DBH: variants seen among roughly 807,000 people sequenced by gnomAD.
DBH encodes the protein dopamine beta-hydroxylase (dopamine beta-monooxygenase).
A neutral mutation model predicts 64.0 loss-of-function variants in DBH; 49 were observed. The observed-to-expected ratio is 0.77, with a 90% CI of 0.61 to 0.97. The LOEUF (loss-of-function observed/expected upper bound fraction) is 0.97. DBH is among the 50% of genes least tolerant of loss of function. DBH has a pLI of 0.00. For missense variants in DBH, 828 were observed against 826.6 expected, an observed-to-expected ratio of 1.00 and a Z score of -0.02; for synonymous variants, 343 against 347.1, an observed-to-expected ratio of 0.99 and a Z score of 0.13.
In DBH at chr9:133,643,022, G is replaced by A. The variant is rs1315783180; in HGVS notation, c.745-391G>A. On this transcript the variant is annotated intron_variant, in intron 3 of 11. Coordinates refer to ENST00000393056, the MANE Select transcript of DBH (RefSeq NM_000787.4). This position sits in a 1 kb window ranked among gnomAD's most constrained non-coding sequence, Gnocchi z 5.3. ...TGTCCTTGAAGGTGCACTCAGAGAG[G>A]TTATGTGAGTGTCCAGAGTCACACA... Among the ~76,000 whole-genome samples the A allele has an allele frequency of 2.0e-5, 3 of 152,168 alleles. No homozygotes were observed. The highest frequency in any genetic ancestry group is 7.2e-5 in the African/African-American group (3 of 41,424).
At chr9:133,657,906 A>AG (rs909275952) in intron 11 of DBH, among the ~76,000 whole-genome samples, 1 of 152,228 alleles carries the variant, frequency 6.6e-6, no homozygotes, top group African/African-American at 2.4e-5. Flanking sequence ...AAGGGAAGGA[A>AG]GGGCTAATAC....
rs1030543191 is a variant in DBH at position 133,658,175 on chromosome 9, T to C, written c.1723-141T>C. 11 of 1,162,288 alleles carry C rather than the reference T, an allele frequency of 9.5e-6. No individual in the cohort carries two copies. In the African/African-American group the frequency reaches 1.4e-4, roughly 15 times the overall value. 72.0% of individuals were successfully genotyped at this position (1,162,288 alleles called of 1,614,324 possible). A position where few individuals can be genotyped will look rare whatever the true frequency, so the allele number is the denominator to read the frequency against. On this transcript the variant is annotated intron_variant, in intron 11 of 11. Coordinates refer to ENST00000393056, the MANE Select transcript of DBH (RefSeq NM_000787.4). ...GAGGTGAGGACCCCCAAAAAGCAACTTGGGGGAGCAGAGTGAGTTCAGTTT... is the reference window on the plus strand; with the variant it reads ...GAGGTGAGGACCCCCAAAAAGCAACCTGGGGGAGCAGAGTGAGTTCAGTTT...
intron 5 of DBH, among the ~76,000 whole-genome samples, chr9:133,646,910 A>G (rs1832188547): frequency 1.3e-5 from 2 of 152,216 alleles, no homozygotes; most frequent in African/African-American, 4.8e-5. Flanking sequence ...GCAAACGGCA[A>G]GGAGAACTAA....
At position 133,658,503 on chromosome 9, in the gene DBH, CTG is replaced by C. The variant is rs1315149061; in HGVS notation, c.*59_*60del. The C allele has an allele frequency of 6.5e-7, 1 of 1,531,808 alleles. No homozygotes were observed. Among genetic ancestry groups the C allele is most frequent in the Non-Finnish European group, 8.8e-7 (1 of 1,135,616 alleles). The allele number at this position is 1,531,808 out of a possible 1,614,324, so 94.9% of individuals were successfully genotyped here. A position where few individuals can be genotyped will look rare whatever the true frequency, so the allele number is the denominator to read the frequency against. On this transcript the variant is annotated 3_prime_UTR_variant, in exon 12 of 12. Coordinates refer to ENST00000393056, the MANE Select transcript of DBH (RefSeq NM_000787.4). ...CTGTCCCTGTGGGCTCACACCGGCACTGTGCACTCTACTCTGCGACGATCCCC... is the reference window on the plus strand; with the variant it reads ...CTGTCCCTGTGGGCTCACACCGGCACTGCACTCTACTCTGCGACGATCCCC...
In DBH at chr9:133,657,079, C is replaced by T. The variant is rs200509113; in HGVS notation, c.1572C>T (p.Asn524=). Residue 524 remains asparagine, a synonymous_variant, in exon 11 of 12, where the codon AAC becomes AAT. Coordinates refer to ENST00000393056, the MANE Select transcript of DBH (RefSeq NM_000787.4). ...KYFHLINRFN[N]EDVCTCPQAS... ...TCCTTGTCCCCACCAGGTTCAACAA[C>T]GAGGATGTCTGCACCTGCCCTCAGG... The T allele has an allele frequency of 3.2e-4, 523 of 1,613,914 alleles. 7 individuals carry two copies. The South Asian group carries it at 5.0e-3, about 16-fold the overall frequency.
chr9:133,649,415 A>C (rs1832219218), intron 6 of DBH, among the ~76,000 whole-genome samples: 1 of 152,358 alleles, frequency 6.6e-6, no homozygotes, highest in African/African-American at 2.4e-5. Context: ...AGTCACGCAG[A>C]GTGAAGATTC....
intron 8 of DBH, among the ~76,000 whole-genome samples, 166 bp downstream of exon 8, chr9:133,652,450 T>C (rs556605248): frequency 3.5e-4 from 53 of 152,104 alleles, no homozygotes; most frequent in African/African-American, 1.1e-3. Context: ...CTGGGCTACC[T>C]CATGGGGAGA....
rs1382167487 is a variant in DBH, at chr9:133,657,414, AG to A, written c.1722+187del. The A allele has an allele frequency of 2.9e-3, 101 of 35,420 alleles. 2 individuals carry two copies. The highest frequency in any genetic ancestry group is 5.5e-3 in the Non-Finnish European group (88 of 15,928). The allele number at this position is 35,420 out of a possible 1,614,324, so 2.2% of individuals were successfully genotyped here. A position where few individuals can be genotyped will look rare whatever the true frequency, so the allele number is the denominator to read the frequency against. ...GCCAGCCAGCAGAGAGAGAGGAGAG[AG>A]GAGAGAGAGGAGAGAGAGGAGAGAG... On this transcript the variant is annotated intron_variant, in intron 11 of 11. Coordinates refer to ENST00000393056, the MANE Select transcript of DBH (RefSeq NM_000787.4).
chr9:133,650,848 A>G (rs1039562143), intron 6 of DBH, among the ~76,000 whole-genome samples: 8 of 152,192 alleles, frequency 5.3e-5, no homozygotes, highest in African/African-American at 1.7e-4. Context: ...ATGCCCAGCC[A>G]TGGAAATGCA....
At chr9:133,644,961 ACACACATG>A (rs1048083418) in intron 5 of DBH, among the ~76,000 whole-genome samples, 8 of 40,014 alleles carry the variant, frequency 2.0e-4, no homozygotes, top group African/African-American at 5.2e-4. Flanking sequence ...ACACACGCAC[ACACACATG>A]CACACATGTA....
chr9:133,658,837 G>T lies in DBH; in HGVS notation c.*390G>T. On this transcript the variant is annotated 3_prime_UTR_variant, in exon 12 of 12. Coordinates refer to ENST00000393056, the MANE Select transcript of DBH (RefSeq NM_000787.4). The stretch of plus-strand genomic sequence containing the variant: ...GCCGGGGTGTGGAATCACCGGGAAC[G>T]CCCCCGCCCCCGCCCCGCTGCTCCC... 6.3e-6 allele frequency: 1 copy of T among 158,644 alleles called. No homozygotes were observed. Among genetic ancestry groups the T allele is most frequent in the Admixed American group, 6.5e-5 (1 of 15,450 alleles). 9.8% of individuals were successfully genotyped at this position (158,644 alleles called of 1,614,324 possible).
intron 2 of DBH, 41 bp downstream of exon 2, chr9:133,640,033 G>T (rs3025391): frequency 0.019 from 30,813 of 1,608,778 alleles, 390 homozygotes; most frequent in African/African-American, 0.05. Flanking sequence ...CGTGGGCTGC[G>T]TGTATCATGC....
At chr9:133,642,497 C>T in intron 3 of DBH, 33 bp downstream of exon 3, 1 of 1,578,288 alleles carries the variant, frequency 6.3e-7, no homozygotes, top group Non-Finnish European at 8.6e-7. Context: ...GGTCCTCGCC[C>T]AGCCCTGCCT....
chr9:133,651,486 A>G, intron 6 of DBH, 148 bp from the exon 7 acceptor site: 1 of 1,013,324 alleles, frequency 9.9e-7, no homozygotes, highest in Non-Finnish European at 1.5e-6. Flanking sequence ...TGGTGGCTCT[A>G]ACCTGGCCGG....
At chr9:133,642,635 C>T (rs1832131162) in intron 3 of DBH, among the ~76,000 whole-genome samples, 171 bp downstream of exon 3, 1 of 152,148 alleles carries the variant, frequency 6.6e-6, no homozygotes, top group East Asian at 1.9e-4. Context: ...GTCTTGGCTT[C>T]CCCATCACTC....
In DBH at chr9:133,643,348, G is replaced by GA. The variant is rs2131285562; in HGVS notation, c.745-64dup. On this transcript the variant is annotated intron_variant, in intron 3 of 11. Transcript: ENST00000393056. The surrounding 1 kb of genome is among the most constrained non-coding windows in gnomAD (Gnocchi z 5.3). The stretch of plus-strand genomic sequence containing the variant: ...GATGGGCATTCGGAAGCCCATGGAG[G>GA]AGGGCTGCTGGGGAGGGGAGGGTGG... 1 of 1,549,604 alleles carries GA rather than the reference G, an allele frequency of 6.5e-7. No individual in the cohort carries two copies. Among genetic ancestry groups the GA allele is most frequent in the East Asian group, 2.3e-5 (1 of 44,404 alleles).
intron 11 of DBH, 200 bp downstream of exon 11, chr9:133,657,429 G>GA: frequency 8.3e-6 from 4 of 479,892 alleles, no homozygotes; most frequent in East Asian, 4.0e-5. Context: ...AGAGAGGAGA[G>GA]AGAGGAGAGA....
chr9:133,640,530 A>G (rs932479180), intron 2 of DBH, among the ~76,000 whole-genome samples: 2 of 152,268 alleles, frequency 1.3e-5, no homozygotes, highest in African/African-American at 4.8e-5. Flanking sequence ...TGTAAAAGCC[A>G]TAGGCTTCTT....
At chr9:133,642,536 C>T (rs1286579948) in intron 3 of DBH, 72 bp downstream of exon 3, 1 of 1,528,558 alleles carries the variant, frequency 6.5e-7, no homozygotes, top group African/African-American at 1.4e-5. Flanking sequence ...GTCCCTGACC[C>T]TGGAGAGCTG....
Sources: gnomAD v4.1 joint callset for allele counts (sites outside exome capture counted in the v4.1 genomes callset) on GRCh38, gnomAD v4.1.1 for gene constraint, Gnocchi (gnomAD v3.1) non-coding constraint, MANE v1.5 for transcripts, NCBI Gene and HGNC (gene_info 2026-07-23, HGNC 2026-07-21) for gene names.